Variants in OXR1 observed in about 807,000 individuals in gnomAD.
OXR1 encodes oxidation resistance protein 1.
A neutral mutation model predicts 104.6 loss-of-function variants in OXR1; 41 were observed. The observed-to-expected ratio is 0.39, with a 90% confidence interval of 0.31 to 0.51. The LOEUF is 0.51. Ranked by LOEUF, OXR1 falls within the 20% of genes least tolerant of loss-of-function variation. OXR1 has a pLI of 0.77. For missense variants in OXR1, 955 were observed against 1,031.9 expected (o/e 0.93, Z 1.02); for synonymous variants, 348 against 348.4 (o/e 1.00, Z 0.01).
In OXR1 at chr8:106,713,940, A is replaced by G. The variant is rs774585539; in HGVS notation, c.1911A>G (p.Glu637=). 6 of 1,591,750 alleles carry G rather than the reference A, an allele frequency of 3.8e-6. No homozygotes were observed. The Admixed American group carries it at 1.1e-4, about 30-fold the overall frequency. The change falls in exon 11 of 17, where the codon GAA becomes GAG. Residue 637 remains glutamate (E), a synonymous_variant. Coordinates refer to ENST00000517566, the MANE Select transcript of OXR1 (RefSeq NM_001198533.2). Reference sequence around the variant, plus strand: ...TAGTAAAAAAGATTGAGGAGTCTGAAACAATTGAGGATTCTAGTAATCAAG... The same window carrying G: ...TAGTAAAAAAGATTGAGGAGTCTGAGACAATTGAGGATTCTAGTAATCAAG... The part of the protein sequence containing the change: ...FIVVKKIEES[E]TIEDSSNQAA...
At chr8:106,333,708 T>G (rs993927147) in intron 1 of OXR1, among the ~76,000 whole-genome samples, 1 of 152,126 alleles carries the variant, frequency 6.6e-6, no homozygotes, top group African/African-American at 2.4e-5. Context: ...AGATAATGAT[T>G]GTTTCAGCAT....
chr8:106,697,767 G>T, intron 7 of OXR1: 1 of 1,613,464 alleles, frequency 6.2e-7, no homozygotes. Flanking sequence ...CCATGGTGGA[G>T]GCCTGGATCT....
intron 2 of OXR1, among the ~76,000 whole-genome samples, chr8:106,366,831 C>T (rs565407946): frequency 1.1e-4 from 17 of 150,286 alleles, no homozygotes; most frequent in African/African-American, 4.2e-4. Context: ...AGTAGAGTAA[C>T]TCAAGTTTAG....
At chr8:106,364,311 G>A (rs1816373105) in intron 2 of OXR1, among the ~76,000 whole-genome samples, 1 of 152,138 alleles carries the variant, frequency 6.6e-6, no homozygotes. Context: ...TGGGTGCAGT[G>A]GCTCACGCCT....
chr8:106,728,655 A>G (rs573816358), intron 11 of OXR1, among the ~76,000 whole-genome samples: 4 of 152,312 alleles, frequency 2.6e-5, no homozygotes, highest in African/African-American at 7.2e-5. Context: ...GCCGTTTTAT[A>G]GTTTATTCTG....
chr8:106,639,029 A>G (rs1192177516), intron 3 of OXR1, among the ~76,000 whole-genome samples: 1 of 152,172 alleles, frequency 6.6e-6, no homozygotes, highest in Non-Finnish European at 1.5e-5. Context: ...AAGGTGCTTG[A>G]ATGAGTTGGC....
intron 3 of OXR1, among the ~76,000 whole-genome samples, chr8:106,550,207 C>A (rs150878694): frequency 2.7e-4 from 41 of 152,304 alleles, no homozygotes; most frequent in African/African-American, 9.9e-4. Flanking sequence ...TGTTCACCAG[C>A]AGATAGTCCC....
At chr8:106,552,015 T>G (rs893026990) in intron 3 of OXR1, among the ~76,000 whole-genome samples, 7 of 151,312 alleles carry the variant, frequency 4.6e-5, no homozygotes, top group Admixed American at 2.0e-4. Context: ...AAGCTATGTT[T>G]GCAACACTGC....
chr8:106,586,783 C>A (rs1377373582), intron 3 of OXR1, among the ~76,000 whole-genome samples: 2 of 152,042 alleles, frequency 1.3e-5, no homozygotes, highest in African/African-American at 2.4e-5. Context: ...GTGAGGAAAG[C>A]AGGTGGGAAG....
intron 1 of OXR1, among the ~76,000 whole-genome samples, chr8:106,337,498 AC>A (rs1815012822): frequency 1.3e-5 from 2 of 152,234 alleles, no homozygotes; most frequent in African/African-American, 2.4e-5. Context: ...GACGAGGATC[AC>A]ACAACTTACT....
At position 106,395,115 on chromosome 8, in the gene OXR1, G is replaced by GTTCTGAA. The variant is rs1239407743; in HGVS notation, c.23+35480_23+35486dup. 6.6e-5 allele frequency among the ~76,000 whole-genome samples: 10 copies of GTTCTGAA among 152,248 alleles called. No individual in the cohort carries two copies. The East Asian group carries it at 1.9e-3, about 29-fold the overall frequency. ...CTGTGCATAGCGATACCTTCTGGCA[G>GTTCTGAA]TTCTGAAACCATGTTATGTGTTTTG... On this transcript the variant is annotated intron_variant, in intron 2 of 16. Transcript: ENST00000517566.
chr8:106,704,129 A>G (rs1041861343), intron 8 of OXR1, among the ~76,000 whole-genome samples: 7 of 152,214 alleles, frequency 4.6e-5, no homozygotes, highest in Admixed American at 1.3e-4. Context: ...TTGGTAGACT[A>G]ATCTTTAGAG....
intron 1 of OXR1, among the ~76,000 whole-genome samples, chr8:106,305,487 AAT>A (rs1352142247): frequency 1.3e-5 from 2 of 152,200 alleles, no homozygotes; most frequent in Non-Finnish European, 2.9e-5. Flanking sequence ...TGACTTTGCT[AAT>A]ATCTCACTAC....
intron 3 of OXR1, among the ~76,000 whole-genome samples, chr8:106,577,625 G>A (rs574084752): frequency 1.3e-5 from 2 of 152,096 alleles, no homozygotes; most frequent in East Asian, 3.9e-4. Context: ...CCTGACCTGA[G>A]GTGATCCACC....
chr8:106,742,489 A>G, intron 15 of OXR1, 172 bp downstream of exon 15: 1 of 509,228 alleles, frequency 2.0e-6, no homozygotes, highest in Non-Finnish European at 3.5e-6. Flanking sequence ...CAAATAGCCA[A>G]GAGAATGCTA....
intron 9 of OXR1, chr8:106,707,518 T>C: frequency 2.7e-6 from 1 of 370,226 alleles, no homozygotes; most frequent in Non-Finnish European, 4.8e-6. Context: ...TTTTTTCATA[T>C]ATAACATTTT....
chr8:106,650,056 A>C (rs1824436625), intron 3 of OXR1, among the ~76,000 whole-genome samples: 1 of 152,206 alleles, frequency 6.6e-6, no homozygotes, highest in East Asian at 1.9e-4. Context: ...CTTCAATATC[A>C]GTTCCTCACA....
chr8:106,447,856 A>C (rs570134186), intron 2 of OXR1: 3 of 1,434,034 alleles, frequency 2.1e-6, no homozygotes, highest in Non-Finnish European at 1.8e-6. Flanking sequence ...TTTTTGCCTT[A>C]GATGTTGGTC....
intron 1 of OXR1, among the ~76,000 whole-genome samples, chr8:106,338,641 T>C (rs1815066011): frequency 6.6e-6 from 1 of 152,000 alleles, no homozygotes; most frequent in Non-Finnish European, 1.5e-5. Flanking sequence ...AAACCACTGT[T>C]CTGCTATAGC....
Sources: allele counts gnomAD v4.1 joint callset (sites outside exome capture counted in the v4.1 genomes callset), GRCh38; gene constraint gnomAD v4.1.1; transcripts MANE v1.5; gene names NCBI Gene and HGNC (gene_info 2026-07-23, HGNC 2026-07-21).